Variants in ZNF529 observed in about 807,000 individuals in gnomAD.
ZNF529 encodes the protein zinc finger protein 529.
In ZNF529, 11 loss-of-function variants were observed where a neutral mutation model predicts 10.1. The ratio of observed to expected loss-of-function variants is 1.09; its 90% CI spans 0.69 to 1.81. The LOEUF is 1.81. ZNF529 is among the 40% of genes most tolerant of loss of function. The probability of loss-of-function intolerance (pLI) is 0.00; values close to 1 mark genes in which losing one functional copy is unlikely to be tolerated. For missense variants in ZNF529, 624 were observed against 666.8 expected, an observed-to-expected ratio of 0.94 and a Z score of 0.71; for synonymous variants, 204 against 215.7, an observed-to-expected ratio of 0.95 and a Z score of 0.47.
intron 1 of ZNF529, among the ~76,000 whole-genome samples, chr19:36,602,090 C>G (rs2036932840): frequency 1.3e-5 from 2 of 150,528 alleles, no homozygotes. Context: ...CACTGTCTCC[C>G]AGGCTAGAGT....
chr19:36,552,755 A>G (rs1414830444), intron 4 of ZNF529, among the ~76,000 whole-genome samples: 1 of 152,246 alleles, frequency 6.6e-6, no homozygotes, highest in African/African-American at 2.4e-5. Flanking sequence ...TACAGCTTTG[A>G]GAATTGGCTA....
chr19:36,589,564 C>G (rs771658419), intron 2 of ZNF529: 1 of 152,118 alleles, frequency 6.6e-6, no homozygotes, highest in African/African-American at 2.4e-5. Flanking sequence ...GAAACACACA[C>G]AGAGCTTCAA....
intron 2 of ZNF529, among the ~76,000 whole-genome samples, chr19:36,559,991 G>C (rs760811435): frequency 5.9e-5 from 9 of 152,116 alleles, no homozygotes; most frequent in Non-Finnish European, 1.2e-4. Flanking sequence ...TGGTGCGTTG[G>C]TTCACACCTG....
upstream of ZNF529, among the ~76,000 whole-genome samples, chr19:36,576,706 G>A (rs2036326442): frequency 6.6e-6 from 1 of 150,838 alleles, no homozygotes; most frequent in Non-Finnish European, 1.5e-5. Flanking sequence ...TACAAAGCAA[G>A]ACTCCGTCTC....
chr19:36,599,213 GA>G (rs1402307533), intron 1 of ZNF529, among the ~76,000 whole-genome samples: 1 of 152,150 alleles, frequency 6.6e-6, no homozygotes. Flanking sequence ...TTCTGGTCTT[GA>G]AAGATTAATG....
In ZNF529 at chr19:36,554,745, C is replaced by T. The variant is rs1245187111; in HGVS notation, c.160G>A (p.Glu54Lys). The T allele has an allele frequency of 6.3e-7, 1 of 1,577,860 alleles. No individual in the cohort carries two copies. Among genetic ancestry groups the T allele is most frequent in the South Asian group, 1.2e-5 (1 of 86,054 alleles). The change falls in exon 4 of 5, where the codon GAA (glutamate) becomes AAA (lysine). Residue 54 changes from glutamate (E) to lysine (K), a missense_variant. Transcript: ENST00000591340. ...VVINFSQEEW[E>K]YLDSAQRNLY... ...TTCCTCTGAGCAGAATCCAGATATT[C>T]CCATTCCTCCTGAGAGAAGTTGATG...
intron 2 of ZNF529, among the ~76,000 whole-genome samples, chr19:36,565,885 A>G (rs918670844): frequency 4.6e-5 from 7 of 152,236 alleles, no homozygotes; most frequent in African/African-American, 1.7e-4. Context: ...ATCTGTGACA[A>G]AACAACATGA....
At chr19:36,587,157 C>T (rs1341855396) in intron 2 of ZNF529, among the ~76,000 whole-genome samples, 1 of 151,618 alleles carries the variant, frequency 6.6e-6, no homozygotes, top group African/African-American at 2.4e-5. Context: ...CCCAGCTACT[C>T]AGTAGGCTGA....
chr19:36,585,920 C>T (rs1003444199), intron 2 of ZNF529, among the ~76,000 whole-genome samples: 1 of 152,230 alleles, frequency 6.6e-6, no homozygotes, highest in African/African-American at 2.4e-5. Context: ...TTTACGCTTA[C>T]ATCTGCTAAG....
In ZNF529 at chr19:36,550,276, G is replaced by T. The variant is rs143109676; in HGVS notation, c.236-1954C>A. 3.3e-3 allele frequency among the ~76,000 whole-genome samples: 497 copies of T among 152,340 alleles called. 4 individuals are homozygous for T. The highest frequency in any genetic ancestry group is 0.012 in the African/African-American group (479 of 41,572). On this transcript the variant is annotated intron_variant, in intron 4 of 4. Coordinates refer to ENST00000591340, the MANE Select transcript of ZNF529 (RefSeq NM_020951.5). The stretch of plus-strand genomic sequence containing the variant: ...CTCTACTAGGCTGGGTGCAGTGGCT[G>T]TAACATCTGTAATCCCAGCATTTTG...
intron 1 of ZNF529, chr19:36,572,924 C>CAA (rs200568998): frequency 2.2e-5 from 3 of 133,926 alleles, no homozygotes; most frequent in Admixed American, 1.4e-4. Flanking sequence ...AACAAACAAA[C>CAA]AAAAAAAAAC....
rs1323520545 is a variant in ZNF529, at chr19:36,592,481, A to G, written c.-127-2780T>C. ...TGGTGACACGTGCCTGTAGTCACAGATACTCGGGAAGCTGAAGCAAGAGAA... is the reference window on the plus strand; with the variant it reads ...TGGTGACACGTGCCTGTAGTCACAGGTACTCGGGAAGCTGAAGCAAGAGAA... On this transcript the variant is annotated intron_variant, in intron 1 of 4. Coordinates refer to the ZNF529 transcript ENST00000585960. 2.0e-5 allele frequency among the ~76,000 whole-genome samples: 3 copies of G among 149,074 alleles called. No individual in the cohort carries two copies. The East Asian group carries it at 6.1e-4, about 30-fold the overall frequency.
intron 2 of ZNF529, 93 bp downstream of exon 2, chr19:36,572,240 A>G: frequency 7.4e-7 from 1 of 1,353,462 alleles, no homozygotes; most frequent in Non-Finnish European, 1.0e-6. Flanking sequence ...TGGAAAGGCA[A>G]TGGAGGACAA....
intron 1 of ZNF529, chr19:36,594,772 C>T (rs898897280): frequency 1.3e-5 from 2 of 152,238 alleles, no homozygotes; most frequent in Non-Finnish European, 2.9e-5. Context: ...ACCACACACA[C>T]AAAAGCAGAA....
At chr19:36,573,411 G>A (rs892163179), upstream of ZNF529, 3 of 467,704 alleles carry the variant, frequency 6.4e-6, no homozygotes, top group Non-Finnish European at 8.9e-6. Context: ...CGCAGGGGCC[G>A]CACCACGCCC....
At chr19:36,584,681 C>T (rs1203877523) in intron 2 of ZNF529, among the ~76,000 whole-genome samples, 3 of 151,582 alleles carry the variant, frequency 2.0e-5, no homozygotes, top group Non-Finnish European at 2.9e-5. Flanking sequence ...GCAAGATAAT[C>T]GCTTGAACCC....
chr19:36,605,468 G>A (rs1007044750), upstream of ZNF529: 2 of 152,658 alleles, frequency 1.3e-5, no homozygotes, highest in Non-Finnish European at 2.9e-5. Flanking sequence ...TCCGAGCCGG[G>A]CCTGGAAATT....
At chr19:36,566,424 T>C (rs571755310) in intron 2 of ZNF529, among the ~76,000 whole-genome samples, 1 of 152,298 alleles carries the variant, frequency 6.6e-6, no homozygotes, top group East Asian at 1.9e-4. Flanking sequence ...TAGTGGCTCA[T>C]ACCACTTATC....
At chr19:36,551,885 T>C (rs1277739650) in intron 4 of ZNF529, 1 of 152,232 alleles carries the variant, frequency 6.6e-6, no homozygotes, top group South Asian at 2.1e-4. Context: ...ACTTGTTTAT[T>C]ATACATCTCA....
Sources: gnomAD v4.1 joint callset for allele counts (sites outside exome capture counted in the v4.1 genomes callset) on GRCh38, gnomAD v4.1.1 for gene constraint, MANE v1.5 for transcripts, NCBI Gene and HGNC (gene_info 2026-07-23, HGNC 2026-07-21) for gene names.